The following GPC5 variants were observed in gnomAD, a reference collection of about 807,000 sequenced individuals.
GPC5 encodes the protein glypican-5.
In GPC5, 47 loss-of-function variants were observed where a neutral mutation model predicts 53.9. The observed-to-expected ratio is 0.87, with a 90% CI of 0.69 to 1.11. The LOEUF (loss-of-function observed/expected upper bound fraction) is 1.11, where lower values mean the gene tolerates loss of function less well. Among genes scored for constraint, GPC5 ranks in the 50% most tolerant of loss-of-function variants. The pLI, the probability that GPC5 is intolerant of heterozygous loss-of-function variation, is 0.00. For synonymous variants in GPC5, 286 were observed against 263.3 expected, an observed-to-expected ratio of 1.09 and a Z score of -0.84; for missense variants, 748 against 713.1, an observed-to-expected ratio of 1.05 and a Z score of -0.56.
At chr13:92,431,343 A>G (rs1263269347) in intron 7 of GPC5, among the ~76,000 whole-genome samples, 1 of 152,118 alleles carries the variant, frequency 6.6e-6, no homozygotes, top group Non-Finnish European at 1.5e-5. Flanking sequence ...AGTAACACCT[A>G]AATAACACAG....
intron 6 of GPC5, among the ~76,000 whole-genome samples, chr13:91,957,160 G>A (rs1340928219): frequency 6.6e-6 from 1 of 152,040 alleles, no homozygotes; most frequent in Non-Finnish European, 1.5e-5. Flanking sequence ...CTGGGACTGA[G>A]GAATTCATTG....
chr13:92,653,421 A>C (rs927521951), intron 7 of GPC5, among the ~76,000 whole-genome samples: 1 of 152,236 alleles, frequency 6.6e-6, no homozygotes, highest in African/African-American at 2.4e-5. Flanking sequence ...GGTGAAAGCC[A>C]GGAAGATACG....
intron 7 of GPC5, among the ~76,000 whole-genome samples, chr13:92,434,919 C>G (rs1877241290): frequency 6.6e-6 from 1 of 152,052 alleles, no homozygotes; most frequent in East Asian, 1.9e-4. Context: ...ATTTGTCCAA[C>G]TAATATTTTT....
chr13:92,710,493 G>A (rs938933112), intron 7 of GPC5, among the ~76,000 whole-genome samples: 1 of 152,188 alleles, frequency 6.6e-6, no homozygotes, highest in Non-Finnish European at 1.5e-5. Context: ...ACATAGTAGA[G>A]AATAGAACAA....
intron 5 of GPC5, among the ~76,000 whole-genome samples, chr13:91,905,007 G>C (rs1376078652): frequency 6.6e-6 from 1 of 151,918 alleles, no homozygotes; most frequent in Non-Finnish European, 1.5e-5. Flanking sequence ...AGCAGCAAAT[G>C]GCCTTAAATC....
chr13:91,517,538 A>G (rs969059032), intron 2 of GPC5, among the ~76,000 whole-genome samples: 8 of 152,188 alleles, frequency 5.3e-5, no homozygotes, highest in South Asian at 2.1e-4. Context: ...GTATCTAGGA[A>G]GTTCCAAACT....
chr13:92,435,071 C>T (rs1348077434), intron 7 of GPC5, among the ~76,000 whole-genome samples: 3 of 152,092 alleles, frequency 2.0e-5, no homozygotes, highest in African/African-American at 4.8e-5. Flanking sequence ...CATGCCACCA[C>T]ACCCAGCTAA....
At chr13:91,677,725 T>A (rs1411636296) in intron 2 of GPC5, among the ~76,000 whole-genome samples, 2 of 152,232 alleles carry the variant, frequency 1.3e-5, no homozygotes, top group African/African-American at 2.4e-5. Context: ...AAATTCATAT[T>A]GTTTCTAAAG....
rs1566292091 is a variant in GPC5, at chr13:92,556,416, TTA to T, written c.1562-309864_1562-309863del. Among the ~76,000 whole-genome samples, 6 of 151,932 alleles carry T rather than the reference TTA, an allele frequency of 3.9e-5. No homozygotes were observed. The South Asian group carries it at 1.2e-3, about 31-fold the overall frequency. ...CTAGTCTTTTCTATATATATTATTT[TTA>T]TGTTTGTTGACATTTTCTCTTTTTT... On this transcript the variant is annotated intron_variant, in intron 7 of 7. Transcript: ENST00000377067.
At chr13:92,012,992 TG>T (rs1358392275) in intron 6 of GPC5, among the ~76,000 whole-genome samples, 1 of 152,160 alleles carries the variant, frequency 6.6e-6, no homozygotes, top group African/African-American at 2.4e-5. Flanking sequence ...GACCAGGTTG[TG>T]GGGGCCTGTG....
intron 2 of GPC5, among the ~76,000 whole-genome samples, chr13:91,452,805 A>C (rs531450081): frequency 8.5e-5 from 13 of 152,148 alleles, no homozygotes; most frequent in African/African-American, 2.9e-4. Context: ...CATGACTTTC[A>C]AAAAATAAAA....
chr13:91,772,120 G>T (rs553977427), intron 5 of GPC5, among the ~76,000 whole-genome samples: 2 of 152,254 alleles, frequency 1.3e-5, no homozygotes, highest in East Asian at 3.9e-4. Context: ...TCAGGAGGCA[G>T]ACAAGGACAA....
intron 1 of GPC5, among the ~76,000 whole-genome samples, chr13:91,409,649 C>A (rs1877579647): frequency 6.6e-6 from 1 of 151,992 alleles, no homozygotes; most frequent in African/African-American, 2.4e-5. Flanking sequence ...ATTTTCTTTT[C>A]TTTTCTTTTC....
intron 7 of GPC5, among the ~76,000 whole-genome samples, chr13:92,788,629 C>G (rs1876347271): frequency 6.6e-6 from 1 of 152,120 alleles, no homozygotes; most frequent in African/African-American, 2.4e-5. Flanking sequence ...TTGTTAATTA[C>G]TTTTTCAATA....
intron 7 of GPC5, among the ~76,000 whole-genome samples, chr13:92,651,398 G>A (rs1885953882): frequency 6.6e-6 from 1 of 152,058 alleles, no homozygotes; most frequent in Admixed American, 6.6e-5. Context: ...GTCTTCTCCA[G>A]AACACATAAC....
chr13:92,230,150 G>A lies in GPC5; in HGVS notation c.1561+85161G>A, dbSNP rs115304972. ...TTGTGTGAAATAACTAGACCAGGGAGGTAACAGCTTTGCAAGTCATATGCA... is the reference window on the plus strand; with the variant it reads ...TTGTGTGAAATAACTAGACCAGGGAAGTAACAGCTTTGCAAGTCATATGCA... On this transcript the variant is annotated intron_variant, in intron 7 of 7. Coordinates refer to ENST00000377067, the MANE Select transcript of GPC5 (RefSeq NM_004466.6). Among the ~76,000 whole-genome samples, 862 of 152,146 alleles carry A rather than the reference G, an allele frequency of 5.7e-3. 12 individuals carry two copies. Among genetic ancestry groups the A allele is most frequent in the African/African-American group, 0.02 (834 of 41,536 alleles).
At chr13:91,457,802 T>C (rs1317148391) in intron 2 of GPC5, among the ~76,000 whole-genome samples, 1 of 152,054 alleles carries the variant, frequency 6.6e-6, no homozygotes, top group South Asian at 2.1e-4. Context: ...TGACACGTGG[T>C]TGAGCAGGTA....
intron 7 of GPC5, among the ~76,000 whole-genome samples, chr13:92,383,002 C>CAAAAAA (rs57654180): frequency 1.1e-5 from 1 of 94,772 alleles, no homozygotes; most frequent in Non-Finnish European, 2.1e-5. Context: ...GACTCCGTCT[C>CAAAAAA]AAAAAAAAAA....
At chr13:92,784,092 T>G (rs1434653356) in intron 7 of GPC5, among the ~76,000 whole-genome samples, 1 of 152,162 alleles carries the variant, frequency 6.6e-6, no homozygotes, top group African/African-American at 2.4e-5. Flanking sequence ...AAGAGAGTGT[T>G]TCATGGGAAA....
Sources: gnomAD v4.1 joint callset for allele counts (sites outside exome capture counted in the v4.1 genomes callset) on GRCh38, gnomAD v4.1.1 for gene constraint, MANE v1.5 for transcripts, NCBI Gene and HGNC (gene_info 2026-07-23, HGNC 2026-07-21) for gene names.